Variants in OSBPL10 observed in about 807,000 individuals in gnomAD.
OSBPL10 encodes the protein oxysterol binding protein like 10.
A neutral mutation model predicts 81.7 loss-of-function variants in OSBPL10; 49 were observed. The ratio of observed to expected loss-of-function variants is 0.60; its 90% CI spans 0.48 to 0.76. OSBPL10 has a LOEUF of 0.76. OSBPL10 is among the 30% of genes least tolerant of loss of function. The pLI is 0.00. For missense variants in OSBPL10, 923 were observed against 987.8 expected (o/e 0.93, Z 0.88); for synonymous variants, 419 against 383.6 (o/e 1.09, Z -1.08).
chr3:31,918,614 C>G (rs1450099834), intron 1 of OSBPL10, among the ~76,000 whole-genome samples: 1 of 152,150 alleles, frequency 6.6e-6, no homozygotes, highest in African/African-American at 2.4e-5. Context: ...AAGCAAGTCA[C>G]TGGCCCCACT....
Position 31,668,837 on chromosome 3 carries a change from G to A in OSBPL10, c.1914-13C>T, listed in dbSNP as rs1700260704. The A allele has an allele frequency of 3.1e-6, 5 of 1,588,374 alleles. No individual in the cohort carries two copies. Among genetic ancestry groups the A allele is most frequent in the Non-Finnish European group, 4.3e-6 (5 of 1,164,390 alleles). On this transcript the variant is annotated splice_polypyrimidine_tract_variant and intron_variant, in intron 9 of 11. Coordinates refer to ENST00000396556, the MANE Select transcript of OSBPL10 (RefSeq NM_017784.5). ...TTCTGCGGTAACCCTGAATTAATGA[G>A]TCAAATGAGTACACACTTTTCAAAA...
intron 3 of OSBPL10, among the ~76,000 whole-genome samples, chr3:31,859,748 G>T (rs893832721): frequency 6.6e-6 from 1 of 152,152 alleles, no homozygotes; most frequent in African/African-American, 2.4e-5. Context: ...TTATTTTTCT[G>T]TGCAGCAACT....
At chr3:31,697,377 T>C (rs1457945389) in intron 7 of OSBPL10, among the ~76,000 whole-genome samples, 3 of 90,618 alleles carry the variant, frequency 3.3e-5, no homozygotes, top group African/African-American at 5.0e-5. Context: ...TGCATAACCA[T>C]GAATAAAAAA....
intron 2 of OSBPL10, 35 bp from the exon 3 acceptor site, chr3:31,876,547 A>T: frequency 6.4e-7 from 1 of 1,565,074 alleles, no homozygotes; most frequent in South Asian, 1.1e-5. Flanking sequence ...AAATGATTGC[A>T]GAGATTGTTC....
At chr3:31,981,329 G>T, upstream of OSBPL10, 1 of 1,236,602 alleles carries the variant, frequency 8.1e-7, no homozygotes. The surrounding 1 kb of genome is among the most constrained non-coding windows in gnomAD (Gnocchi z 4.5). Context: ...GGAAGAGGAG[G>T]AGGAGGCGAA....
intron 1 of OSBPL10, among the ~76,000 whole-genome samples, chr3:32,067,850 C>A (rs1253629238): frequency 2.0e-5 from 3 of 152,202 alleles, no homozygotes. Context: ...CTCAGCCTGC[C>A]TGCACCCACA....
intron 4 of OSBPL10, among the ~76,000 whole-genome samples, chr3:31,813,784 T>C (rs996677270): frequency 6.6e-6 from 1 of 152,144 alleles, no homozygotes; most frequent in Non-Finnish European, 1.5e-5. Context: ...GCCTTGGCCC[T>C]CTCTAAGCCC....
chr3:31,965,840 TATTA>T (rs1481035902), intron 1 of OSBPL10, among the ~76,000 whole-genome samples: 15 of 84,720 alleles, frequency 1.8e-4, no homozygotes, highest in Non-Finnish European at 2.7e-4. Flanking sequence ...ATATAATATA[TATTA>T]TATAAAAAGA....
intron 4 of OSBPL10, among the ~76,000 whole-genome samples, chr3:31,812,232 T>C (rs1362675451): frequency 6.6e-6 from 1 of 152,020 alleles, no homozygotes; most frequent in African/African-American, 2.4e-5. Context: ...GGATTTTGCA[T>C]TGTTGACCAG....
chr3:31,798,512 T>C (rs189908250), intron 4 of OSBPL10, among the ~76,000 whole-genome samples: 2 of 152,208 alleles, frequency 1.3e-5, no homozygotes, highest in Admixed American at 1.3e-4. Flanking sequence ...ATTTTTTTAA[T>C]ATTAATCATA....
intron 4 of OSBPL10, among the ~76,000 whole-genome samples, chr3:31,774,863 T>C (rs1698506068): frequency 6.6e-6 from 1 of 150,770 alleles, no homozygotes; most frequent in Non-Finnish European, 1.5e-5. Flanking sequence ...AGCCAGGTCA[T>C]TACTTAAGAA....
chr3:31,982,359 T>A (rs977626276), upstream of OSBPL10, among the ~76,000 whole-genome samples: 34 of 151,886 alleles, frequency 2.2e-4, no homozygotes, highest in Non-Finnish European at 2.9e-4. Flanking sequence ...ACTCTCTCTC[T>A]CACACACACA....
intron 1 of OSBPL10, among the ~76,000 whole-genome samples, chr3:31,929,850 C>G (rs1244778547): frequency 6.6e-6 from 1 of 151,614 alleles, no homozygotes; most frequent in African/African-American, 2.4e-5. Context: ...CCATAGTTCA[C>G]AGGCTGGGCA....
chr3:31,946,553 G>C (rs982683726), intron 1 of OSBPL10, among the ~76,000 whole-genome samples: 3 of 152,282 alleles, frequency 2.0e-5, no homozygotes, highest in African/African-American at 7.2e-5. Context: ...GGCAGATGGC[G>C]GACAGCGTGT....
chr3:31,821,156 A>G (rs1699975757), intron 4 of OSBPL10, among the ~76,000 whole-genome samples: 1 of 151,860 alleles, frequency 6.6e-6, no homozygotes, highest in Non-Finnish European at 1.5e-5. Context: ...ACAACAGAGC[A>G]TTCTCCTGCC....
chr3:31,661,975 AAGGT>A lies in OSBPL10; in HGVS notation c.*93_*96del. The A allele has an allele frequency of 6.6e-7, 1 of 1,507,594 alleles. No homozygotes were observed. The highest frequency in any genetic ancestry group is 9.0e-7 in the Non-Finnish European group (1 of 1,109,734). 93.4% of individuals were successfully genotyped at this position (1,507,594 alleles called of 1,614,324 possible). Reference sequence around the variant, plus strand: ...CTCATCATTTCTTGGATGCTAATACAAGGTCTCAGTGAATGCCAACAAAACCCTG... The same window carrying A: ...CTCATCATTTCTTGGATGCTAATACACTCAGTGAATGCCAACAAAACCCTG... On this transcript the variant is annotated 3_prime_UTR_variant, in exon 12 of 12. Coordinates refer to ENST00000396556, the MANE Select transcript of OSBPL10 (RefSeq NM_017784.5).
At chr3:31,699,209 C>T (rs1695817742) in intron 7 of OSBPL10, among the ~76,000 whole-genome samples, 1 of 152,216 alleles carries the variant, frequency 6.6e-6, no homozygotes, top group Non-Finnish European at 1.5e-5. Context: ...CTGAATACCA[C>T]ATGATGTTAC....
At position 31,789,672 on chromosome 3, in the gene OSBPL10, C is replaced by T. The variant is rs561140304; in HGVS notation, c.729+40368G>A. On this transcript the variant is annotated intron_variant, in intron 4 of 11. Coordinates refer to ENST00000396556, the MANE Select transcript of OSBPL10 (RefSeq NM_017784.5). The stretch of plus-strand genomic sequence containing the variant: ...GCAGGGGGAGCAGATCAGGATGGAG[C>T]TGCAAGTCAGCAGGTACACAGCACC... Among the ~76,000 whole-genome samples the T allele has an allele frequency of 2.0e-5, 3 of 152,318 alleles. 1 individual carries two copies. In the South Asian group the frequency reaches 6.2e-4, roughly 32 times the overall value.
intron 2 of OSBPL10, chr3:31,991,122 C>A: frequency 1.2e-6 from 1 of 843,218 alleles, no homozygotes. Context: ...ACATTGAGTT[C>A]AAGCATTAAT....
Sources: allele counts gnomAD v4.1 joint callset (sites outside exome capture counted in the v4.1 genomes callset), GRCh38; gene constraint gnomAD v4.1.1; non-coding constraint Gnocchi (gnomAD v3.1); transcripts MANE v1.5; gene names NCBI Gene and HGNC (gene_info 2026-07-23, HGNC 2026-07-21).